Variants in AUTS2 observed in about 807,000 individuals in gnomAD.
AUTS2 encodes the protein activator of transcription and developmental regulator AUTS2, also known as autism susceptibility gene 2 protein.
A neutral mutation model predicts 112.4 loss-of-function variants in AUTS2; 17 were observed. The ratio of observed to expected loss-of-function variants is 0.15; its 90% CI spans 0.10 to 0.23. The LOEUF is 0.23. Ranked by LOEUF, AUTS2 falls within the 10% of genes least tolerant of loss-of-function variation. The pLI is 1.00. For missense variants in AUTS2, 1,510 were observed against 1,701.6 expected (o/e 0.89, Z 1.98); for synonymous variants, 751 against 702.7 (o/e 1.07, Z -1.09).
intron 4 of AUTS2, among the ~76,000 whole-genome samples, chr7:70,324,623 T>C (rs1295104054): frequency 1.3e-5 from 2 of 152,136 alleles, no homozygotes; most frequent in African/African-American, 2.4e-5. Flanking sequence ...AGACCCTGTC[T>C]CAAAAAAAAT....
intron 5 of AUTS2, among the ~76,000 whole-genome samples, chr7:70,664,194 T>G (rs1178711029): frequency 6.6e-6 from 1 of 152,234 alleles, no homozygotes; most frequent in East Asian, 1.9e-4. Context: ...TTTTCATCAT[T>G]CGAAACCTAC....
intron 5 of AUTS2, among the ~76,000 whole-genome samples, chr7:70,526,677 A>C (rs1239112699): frequency 1.3e-5 from 2 of 152,182 alleles, no homozygotes; most frequent in Non-Finnish European, 2.9e-5. Context: ...CAAAAAAATA[A>C]AAAATCCTGC....
At chr7:70,137,876 T>G (rs1013104787) in intron 4 of AUTS2, among the ~76,000 whole-genome samples, 2 of 152,198 alleles carry the variant, frequency 1.3e-5, no homozygotes, top group East Asian at 3.8e-4. Context: ...TAGTAGTATT[T>G]TATTCTTATT....
chr7:70,244,936 A>G (rs985502866), intron 4 of AUTS2, among the ~76,000 whole-genome samples: 2 of 152,016 alleles, frequency 1.3e-5, no homozygotes, highest in African/African-American at 4.8e-5. Context: ...TCTGGCCAAC[A>G]TGGTAAAACC....
intron 5 of AUTS2, among the ~76,000 whole-genome samples, chr7:70,632,481 C>A (rs1193685052): frequency 2.0e-5 from 3 of 151,724 alleles, no homozygotes; most frequent in African/African-American, 7.3e-5. Context: ...CCTCTTCAGC[C>A]CCTTCTCTGC....
chr7:69,641,085 A>G (rs1794779274), intron 1 of AUTS2, among the ~76,000 whole-genome samples: 2 of 152,218 alleles, frequency 1.3e-5, no homozygotes, highest in South Asian at 4.1e-4. Context: ...CAGGTACTGC[A>G]GGGGAATAAC....
chr7:70,780,421 G>GT (rs367964386), intron 14 of AUTS2, among the ~76,000 whole-genome samples: 58,388 of 145,386 alleles, frequency 0.4, 12,153 homozygotes, highest in Non-Finnish European at 0.5. Flanking sequence ...ACAAGAGTTT[G>GT]TTTTTTTTTT....
At chr7:69,992,762 G>A (rs1238760753) in intron 2 of AUTS2, among the ~76,000 whole-genome samples, 1 of 152,168 alleles carries the variant, frequency 6.6e-6, no homozygotes, top group African/African-American at 2.4e-5. Flanking sequence ...GTGTGCGCCT[G>A]TAGTCCCAGC....
chr7:70,086,477 A>T (rs1803607245), intron 2 of AUTS2, among the ~76,000 whole-genome samples: 1 of 152,004 alleles, frequency 6.6e-6, no homozygotes, highest in South Asian at 2.1e-4. Context: ...CCCAGCCTCT[A>T]CTAAAATACA....
At chr7:70,190,627 C>T (rs1424187836) in intron 4 of AUTS2, among the ~76,000 whole-genome samples, 1 of 152,142 alleles carries the variant, frequency 6.6e-6, no homozygotes, top group African/African-American at 2.4e-5. Context: ...TTCCCTAGGT[C>T]TCTTTGGAGT....
At chr7:70,404,529 G>A (rs536145608) in intron 4 of AUTS2, among the ~76,000 whole-genome samples, 1 of 152,170 alleles carries the variant, frequency 6.6e-6, no homozygotes, top group African/African-American at 2.4e-5. Context: ...TCAAATCAGG[G>A]TCTACTTCCA....
intron 1 of AUTS2, among the ~76,000 whole-genome samples, chr7:69,662,477 C>G (rs1795848290): frequency 6.6e-6 from 1 of 152,136 alleles, no homozygotes; most frequent in Non-Finnish European, 1.5e-5. Flanking sequence ...TAGCACCCCT[C>G]AAGTGTGACA....
chr7:69,718,794 T>C (rs928714942), intron 1 of AUTS2, among the ~76,000 whole-genome samples: 6 of 152,342 alleles, frequency 3.9e-5, no homozygotes, highest in South Asian at 2.1e-4. Context: ...CAAACTTTGC[T>C]CTTTCCCCAC....
intron 4 of AUTS2, among the ~76,000 whole-genome samples, chr7:70,306,449 C>T (rs1376792215): frequency 1.3e-5 from 2 of 152,296 alleles, no homozygotes; most frequent in African/African-American, 4.8e-5. Context: ...AAGAATGATG[C>T]AATTTGCATA....
At chr7:70,492,521 C>T (rs982529780) in intron 5 of AUTS2, among the ~76,000 whole-genome samples, 1 of 152,168 alleles carries the variant, frequency 6.6e-6, no homozygotes, top group Non-Finnish European at 1.5e-5. Context: ...TTACTGTATC[C>T]TTACCACAAG....
At chr7:70,340,412 T>A (rs1791212668) in intron 4 of AUTS2, among the ~76,000 whole-genome samples, 2 of 152,134 alleles carry the variant, frequency 1.3e-5, no homozygotes, top group African/African-American at 2.4e-5. Flanking sequence ...AACTGAAAGA[T>A]CTGAATCTCA....
At chr7:70,736,591 A>G (rs1260411086) in intron 6 of AUTS2, among the ~76,000 whole-genome samples, 4 of 152,174 alleles carry the variant, frequency 2.6e-5, no homozygotes, top group Non-Finnish European at 5.9e-5. Context: ...TTTTTAATGC[A>G]TAAATTAGTT....
chr7:70,568,066 C>T (rs755240341), intron 5 of AUTS2, among the ~76,000 whole-genome samples: 6 of 152,180 alleles, frequency 3.9e-5, no homozygotes, highest in East Asian at 1.9e-4. Context: ...AGAGTTTATT[C>T]GGAGTCATAG....
chr7:70,611,956 A>G (rs1415214808), intron 5 of AUTS2, among the ~76,000 whole-genome samples: 1 of 152,250 alleles, frequency 6.6e-6, no homozygotes, highest in East Asian at 1.9e-4. Flanking sequence ...GGGGCCTTAG[A>G]AATGGGCTTA....
Sources: allele counts gnomAD v4.1 joint callset (sites outside exome capture counted in the v4.1 genomes callset), GRCh38; gene constraint gnomAD v4.1.1; transcripts MANE v1.5; gene names NCBI Gene and HGNC (gene_info 2026-07-23, HGNC 2026-07-21).